MTHFSD: variants seen among roughly 807,000 people sequenced by gnomAD.
MTHFSD encodes methenyltetrahydrofolate synthase domain-containing protein.
In MTHFSD, 37 loss-of-function variants were observed where a neutral mutation model predicts 31.1. That is an observed-to-expected ratio of 1.19 (90% CI 0.91 to 1.56). The LOEUF is 1.56. MTHFSD is among the 40% of genes most tolerant of loss of function. The probability of loss-of-function intolerance (pLI) is 0.00; values close to 1 mark genes in which losing one functional copy is unlikely to be tolerated. For missense variants in MTHFSD, 664 were observed against 510.1 expected (o/e 1.30, Z -2.91); for synonymous variants, 221 against 206.9 (o/e 1.07, Z -0.59).
At chr16:86,536,410 T>A (rs979741759) in intron 7 of MTHFSD, among the ~76,000 whole-genome samples, 1 of 152,206 alleles carries the variant, frequency 6.6e-6, no homozygotes, top group African/African-American at 2.4e-5. Flanking sequence ...GGGCAGAATC[T>A]CTTCAACGTG....
intron 4 of MTHFSD, chr16:86,547,511 G>T (rs1039922326): frequency 1.0e-6 from 1 of 986,552 alleles, no homozygotes. Context: ...ACCCTGCACT[G>T]CAGGAAACCC....
intron 7 of MTHFSD, chr16:86,540,849 A>C: frequency 2.8e-6 from 3 of 1,056,118 alleles, no homozygotes; most frequent in Non-Finnish European, 3.5e-6. Context: ...CGGCCAACCG[A>C]GGAGTGCACA....
At chr16:86,534,618 GTCA>G (rs932108009) in intron 7 of MTHFSD, among the ~76,000 whole-genome samples, 18 of 152,118 alleles carry the variant, frequency 1.2e-4, no homozygotes, top group African/African-American at 4.1e-4. Context: ...ATATAAACTG[GTCA>G]TCATTTGATT....
Position 86,532,392 on chromosome 16 carries a change from A to C in MTHFSD, c.771T>G (p.Gly257=). Residue 257 remains glycine, a synonymous_variant, in exon 8 of 8, where the codon GGT becomes GGG. Coordinates refer to ENST00000360900, the MANE Select transcript of MTHFSD (RefSeq NM_001159377.2). The stretch of plus-strand genomic sequence containing the variant: ...CTGGTTCCGGAAGGTGCTGGTGCTC[A>C]CCCTGGAGGGTGACATCCTTCCCAG... ...QQAGKDVTLQ[G]EHQHLPEPGC... is the part of the protein sequence containing the mutation. 2 of 1,549,988 alleles carry C rather than the reference A, an allele frequency of 1.3e-6. No individual in the cohort carries two copies. The highest frequency in any genetic ancestry group is 8.7e-7 in the Non-Finnish European group (1 of 1,149,594).
At chr16:86,536,710 G>A (rs1244245413) in intron 7 of MTHFSD, among the ~76,000 whole-genome samples, 2 of 152,242 alleles carry the variant, frequency 1.3e-5, no homozygotes, top group Admixed American at 1.3e-4. Context: ...TAAAACTGAC[G>A]CTGCGAAATG....
intron 7 of MTHFSD, 116 bp from the exon 8 acceptor site, chr16:86,532,597 T>C (rs1597308758): frequency 2.0e-5 from 16 of 795,330 alleles, no homozygotes; most frequent in Middle Eastern, 3.7e-4. Context: ...GGATGCCAAG[T>C]GGTCTGAGCC....
rs368633392 is a variant in MTHFSD at position 86,542,185 on chromosome 16, G to A, written c.471C>T (p.Tyr157=). ...CCATCATGGCATATTCCAGATCGGC[G>A]TAGCCTTCTCCCTTCCCGATTCTCC... is the stretch of plus-strand genomic sequence containing the variant. ...KGWRIGKGEG[Y]ADLEYAMMVS... The change falls in exon 6 of 8, where the codon TAC becomes TAT. Residue 157 remains tyrosine (Y), a synonymous_variant. Coordinates refer to ENST00000360900, the MANE Select transcript of MTHFSD (RefSeq NM_001159377.2). The surrounding 1 kb of genome is among the most constrained non-coding windows in gnomAD (Gnocchi z 4.6). The A allele has an allele frequency of 1.1e-5, 18 of 1,613,586 alleles. No individual in the cohort carries two copies. The highest frequency in any genetic ancestry group is 7.7e-5 in the South Asian group (7 of 91,088).
chr16:86,532,322 C>G lies in MTHFSD; in HGVS notation c.841G>C (p.Asp281His), dbSNP rs998752958. Residue 281 changes from aspartate (D) to histidine (H), a missense_variant, in exon 8 of 8, where the codon GAC (aspartate) becomes CAC (histidine). Coordinates refer to ENST00000360900, the MANE Select transcript of MTHFSD (RefSeq NM_001159377.2). ...VPLSVGRRPP[D>H]TPGPETNSME... ...GAATTGGTTTCTGGTCCGGGTGTGTCCGGGGGCCTCCTGCCAACACTCAGG... is the reference window on the plus strand; with the variant it reads ...GAATTGGTTTCTGGTCCGGGTGTGTGCGGGGGCCTCCTGCCAACACTCAGG... The G allele has an allele frequency of 6.3e-7, 1 of 1,594,806 alleles. No homozygotes were observed. Among genetic ancestry groups the G allele is most frequent in the African/African-American group, 1.3e-5 (1 of 74,514 alleles).
chr16:86,548,556 G>C lies in MTHFSD; in HGVS notation c.259C>G (p.Pro87Ala), dbSNP rs1972668401. ...VLQSKKTLLVPTPRLRTGLFN... is the reference protein window; with the variant it reads ...VLQSKKTLLVATPRLRTGLFN... ...AATCCCGTTCTCAGTCGTGGTGTTG[G>C]AACCAACAATGTTTTTTTGCTCTTT... The change falls in exon 4 of 8, where the codon CCA (proline) becomes GCA (alanine). Residue 87 changes from proline to alanine, a missense_variant. Coordinates refer to ENST00000360900, the MANE Select transcript of MTHFSD (RefSeq NM_001159377.2). 1.2e-6 allele frequency: 2 copies of C among 1,611,186 alleles called. No homozygotes were observed. Among genetic ancestry groups the C allele is most frequent in the African/African-American group, 2.7e-5 (2 of 74,930 alleles).
intron 1 of MTHFSD, 24 bp downstream of exon 1, chr16:86,555,145 C>G (rs1369323098): frequency 6.5e-7 from 1 of 1,534,576 alleles, no homozygotes; most frequent in African/African-American, 1.4e-5. Flanking sequence ...CCCAGCCGCC[C>G]CGGAGCCCCG....
Position 86,540,938 on chromosome 16 carries a change from T to C in MTHFSD, c.681+759A>G, listed in dbSNP as rs1971416962. 3.1e-5 allele frequency: 35 copies of C among 1,140,166 alleles called. 1 individual carries two copies. In the South Asian group the frequency reaches 6.1e-4, roughly 20 times the overall value. The allele number at this position is 1,140,166 out of a possible 1,614,324, so 70.6% of individuals were successfully genotyped here. ...TGGGCTGTGGCAAAAGCAGCAGGTA[T>C]TCTGTGTTCATCCTTAGAGGTGATG... On this transcript the variant is annotated intron_variant, in intron 7 of 7. Coordinates refer to ENST00000360900, the MANE Select transcript of MTHFSD (RefSeq NM_001159377.2).
At chr16:86,549,450 A>T (rs1972822957) in intron 3 of MTHFSD, among the ~76,000 whole-genome samples, 2 of 152,256 alleles carry the variant, frequency 1.3e-5, no homozygotes, top group African/African-American at 4.8e-5. Context: ...GCCTATTTCA[A>T]CAAAGGCTTG....
At chr16:86,544,188 A>T (rs1434085189) in intron 5 of MTHFSD, among the ~76,000 whole-genome samples, 1 of 152,196 alleles carries the variant, frequency 6.6e-6, no homozygotes, top group African/African-American at 2.4e-5. Context: ...TCCATGGAAA[A>T]ATTGTCTTCC....
At chr16:86,546,777 C>G (rs188008464) in intron 4 of MTHFSD, 128 bp from the exon 5 acceptor site, 7 of 749,678 alleles carry the variant, frequency 9.3e-6, no homozygotes, top group Admixed American at 2.3e-5. Flanking sequence ...ACACGCAACA[C>G]CGGAGATGTG....
Position 86,541,032 on chromosome 16 carries a change from G to A in MTHFSD, c.681+665C>T, listed in dbSNP as rs77771059. On this transcript the variant is annotated intron_variant, in intron 7 of 7. Transcript: ENST00000360900. ...GATTTGGGATTAAAGAATGGGAGAC[G>A]TGGACACGTATGCTTATTTGACCAG... The A allele has an allele frequency of 1.9e-3, 2,210 of 1,182,416 alleles. 2 individuals carry two copies. Among genetic ancestry groups the A allele is most frequent in the Non-Finnish European group, 2.2e-3 (2,029 of 934,490 alleles). The allele number at this position is 1,182,416 out of a possible 1,614,324, so 73.2% of individuals were successfully genotyped here.
chr16:86,532,030 C>A lies in MTHFSD; in HGVS notation c.1133G>T (p.Arg378Met). The change falls in exon 8 of 8, where the codon AGG (arginine) becomes ATG (methionine). Residue 378 changes from arginine (R) to methionine (M), a missense_variant. Transcript: ENST00000360900. ...ACGAGGTCACTTGTCCCTCTGCTGC[C>A]TGGCCAGCGCCACCCTCAGGGTGTC... is the stretch of plus-strand genomic sequence containing the variant. ...GTDTLRVALA[R>M]QQRDK 4.0e-6 allele frequency: 6 copies of A among 1,483,424 alleles called. No homozygotes were observed. Among genetic ancestry groups the A allele is most frequent in the Non-Finnish European group, 5.3e-6 (6 of 1,122,472 alleles). The allele number at this position is 1,483,424 out of a possible 1,614,324, so 91.9% of individuals were successfully genotyped here.
In MTHFSD at chr16:86,542,240, G is replaced by A. The variant is rs1220427412; in HGVS notation, c.443-27C>T. ...TAAGAGACAACCGAGAATCAGTATC[G>A]CTGTGCGGTCCGGGGCATCGCTGAG... On this transcript the variant is annotated intron_variant, in intron 5 of 7. Transcript: ENST00000360900. This position sits in a 1 kb window ranked among gnomAD's most constrained non-coding sequence, Gnocchi z 4.6. The A allele has an allele frequency of 9.4e-6, 15 of 1,587,832 alleles. No individual in the cohort carries two copies. The highest frequency in any genetic ancestry group is 4.0e-5 in the African/African-American group (3 of 74,276).
Position 86,532,337 on chromosome 16 carries a change from C to T in MTHFSD, c.826G>A (p.Gly276Ser). The T allele has an allele frequency of 6.3e-7, 1 of 1,594,554 alleles. No individual in the cohort carries two copies. Among genetic ancestry groups the T allele is most frequent in the Non-Finnish European group, 8.5e-7 (1 of 1,171,288 alleles). The part of the protein sequence containing the change: ...GCQQTVPLSV[G>S]RRPPDTPGPE... ...CCGGGTGTGTCCGGGGGCCTCCTGC[C>T]AACACTCAGGGGCACTGTCTGCTGG... Residue 276 changes from glycine to serine, a missense_variant, in exon 8 of 8, where the codon GGC becomes AGC. Gly to Ser is a moderately conservative substitution (Grantham distance 56). Coordinates refer to ENST00000360900, the MANE Select transcript of MTHFSD (RefSeq NM_001159377.2).
At chr16:86,537,973 T>A (rs971706564) in intron 7 of MTHFSD, among the ~76,000 whole-genome samples, 1 of 152,198 alleles carries the variant, frequency 6.6e-6, no homozygotes, top group Non-Finnish European at 1.5e-5. Context: ...CATGTGCTGA[T>A]GGTGAGGAGC....
Sources: gnomAD v4.1 joint callset for allele counts (sites outside exome capture counted in the v4.1 genomes callset) on GRCh38, gnomAD v4.1.1 for gene constraint, Gnocchi (gnomAD v3.1) non-coding constraint, MANE v1.5 for transcripts, NCBI Gene and HGNC (gene_info 2026-07-23, HGNC 2026-07-21) for gene names.